ASMT: variants seen among roughly 807,000 people sequenced by gnomAD.
ASMT encodes acetylserotonin O-methyltransferase.
ASMT carries 53 observed loss-of-function variants against 41.3 expected under a neutral mutation model. The ratio of observed to expected loss-of-function variants is 1.28; its 90% confidence interval spans 1.03 to 1.61. The LOEUF is 1.61. Among genes scored for constraint, ASMT ranks in the 40% most tolerant of loss-of-function variants. The pLI, the probability that ASMT is intolerant of heterozygous loss-of-function variation, is 0.00. For synonymous variants in ASMT, 231 were observed against 184.8 expected (o/e 1.25, Z -2.03); for missense variants, 531 against 441.3 (o/e 1.20, Z -1.82).
Position 1,636,434 on chromosome X carries a change from C to T in ASMT, c.788-4C>T, listed in dbSNP as rs1203786215. 3.7e-6 allele frequency: 6 copies of T among 1,613,708 alleles called. No homozygotes were observed. The highest frequency in any genetic ancestry group is 5.1e-6 in the Non-Finnish European group (6 of 1,179,850). ...GACCTCGGTGTGCCTGCCCTGTGTT[C>T]CAGGGGATTTCTTCAAAGACCCTCT... is the stretch of plus-strand genomic sequence containing the variant. On this transcript the variant is annotated splice_region_variant and splice_polypyrimidine_tract_variant and intron_variant, in intron 7 of 8. Coordinates refer to ENST00000381241, the MANE Select transcript of ASMT (RefSeq NM_001171038.2).
At chrX:1,623,534 G>A (rs1868758170) in intron 2 of ASMT, among the ~76,000 whole-genome samples, 1 of 152,164 alleles carries the variant, frequency 6.6e-6, no homozygotes, top group Non-Finnish European at 1.5e-5. Context: ...GGGAGGCAGA[G>A]GTTGCAGTGA....
chrX:1,616,473 G>A (rs1186983114), intron 1 of ASMT, among the ~76,000 whole-genome samples: 1 of 151,522 alleles, frequency 6.6e-6, no homozygotes, highest in East Asian at 1.9e-4. Flanking sequence ...GTTTAACGGA[G>A]ACAGTGTCCC....
chrX:1,629,520 C>T (rs550399683), intron 4 of ASMT, among the ~76,000 whole-genome samples: 5 of 152,262 alleles, frequency 3.3e-5, no homozygotes, highest in South Asian at 2.1e-4. Context: ...GATGGGGGAA[C>T]GTATTATTGA....
At chrX:1,616,708 C>T (rs1934128692) in intron 1 of ASMT, among the ~76,000 whole-genome samples, 1 of 150,972 alleles carries the variant, frequency 6.6e-6, no homozygotes, top group South Asian at 2.1e-4. Flanking sequence ...CCCATTTCTA[C>T]AAATTCTTTT....
intron 1 of ASMT, among the ~76,000 whole-genome samples, chrX:1,618,227 G>T (rs747714609): frequency 6.6e-6 from 1 of 151,798 alleles, no homozygotes; most frequent in Admixed American, 6.6e-5. Context: ...GCAGTGGCAT[G>T]ATCTCAGCTC....
rs370554783 is a variant in ASMT, at chrX:1,636,544, C to T, written c.894C>T (p.Tyr298=). The T allele has an allele frequency of 1.1e-5, 18 of 1,612,600 alleles. No homozygotes were observed. The African/African-American group carries it at 2.0e-4, about 18-fold the overall frequency. ...GKCSHLLERI[Y]HTCKPGGGIL... is the part of the protein sequence containing the mutation. Reference sequence around the variant, plus strand: ...GCTCACACCTGCTGGAGAGGATCTACCACACTTGCAAGCCAGGTAAGTTGT... The same window carrying T: ...GCTCACACCTGCTGGAGAGGATCTATCACACTTGCAAGCCAGGTAAGTTGT... Residue 298 remains tyrosine (Y), a synonymous_variant, in exon 8 of 9, where the codon TAC becomes TAT. Coordinates refer to ENST00000381241, the MANE Select transcript of ASMT (RefSeq NM_001171038.2).
chrX:1,615,436 A>C lies in ASMT; in HGVS notation c.69+168A>C, dbSNP rs1373864918. On this transcript the variant is annotated intron_variant, in intron 1 of 8. Transcript: ENST00000381241. ...TGTAGCCTCAGGAGTTCCTGAGGAC[A>C]TGTGCCCAGGGTGGTCTGGGGACAG... is the stretch of plus-strand genomic sequence containing the variant. 1.2e-4 allele frequency: 27 copies of C among 218,466 alleles called. No homozygotes were observed. In the Admixed American group the frequency reaches 1.6e-3, roughly 13 times the overall value. The allele number at this position is 218,466 out of a possible 1,614,324, so 13.5% of individuals were successfully genotyped here.
intron 3 of ASMT, among the ~76,000 whole-genome samples, chrX:1,625,882 G>T (rs1344180357): frequency 6.6e-6 from 1 of 150,506 alleles, no homozygotes; most frequent in Non-Finnish European, 1.5e-5. Context: ...GTGAACCCGG[G>T]AGGCGGAGGT....
intron 7 of ASMT, among the ~76,000 whole-genome samples, chrX:1,635,010 T>G (rs1409287878): frequency 7.8e-6 from 1 of 127,930 alleles, no homozygotes; most frequent in African/African-American, 3.1e-5. Context: ...AGTCTCGCTC[T>G]GTCACCCAGG....
chrX:1,636,722 C>A (rs1367949935), intron 8 of ASMT, 162 bp downstream of exon 8: 5 of 514,534 alleles, frequency 9.7e-6, no homozygotes, highest in Non-Finnish European at 1.3e-5. Flanking sequence ...AAATAGGGTC[C>A]TAATTTCTAT....
At chrX:1,630,419 C>T (rs1448812453) in intron 5 of ASMT, among the ~76,000 whole-genome samples, 2 of 151,412 alleles carry the variant, frequency 1.3e-5, no homozygotes, top group African/African-American at 4.9e-5. Context: ...GATTCTCCTG[C>T]CCCAGCCTCC....
intron 8 of ASMT, among the ~76,000 whole-genome samples, chrX:1,641,398 C>A (rs867940217): frequency 7.1e-6 from 1 of 141,742 alleles, no homozygotes; most frequent in Admixed American, 7.6e-5. Context: ...GTGAGGTCCA[C>A]CTATCCTGAT....
chrX:1,622,729 TG>T (rs778342767), intron 1 of ASMT, among the ~76,000 whole-genome samples: 1,658 of 150,986 alleles, frequency 0.011, 24 homozygotes, highest in African/African-American at 0.039. Flanking sequence ...CTGGCCAACA[TG>T]GTGAAACCCC....
At chrX:1,616,759 A>G (rs1934133224) in intron 1 of ASMT, among the ~76,000 whole-genome samples, 2 of 149,624 alleles carry the variant, frequency 1.3e-5, no homozygotes, top group African/African-American at 4.8e-5. Flanking sequence ...CCCAGGCTGG[A>G]GTGCAATGGC....
intron 3 of ASMT, among the ~76,000 whole-genome samples, chrX:1,627,342 C>G (rs1934588421): frequency 6.9e-6 from 1 of 145,370 alleles, no homozygotes; most frequent in African/African-American, 2.6e-5. Context: ...TAAAATAAGG[C>G]CAGGTGTGGT....
intron 1 of ASMT, among the ~76,000 whole-genome samples, chrX:1,618,699 A>T (rs1330016458): frequency 6.6e-6 from 1 of 152,192 alleles, no homozygotes; most frequent in Non-Finnish European, 1.5e-5. Context: ...AGCCTCCCAA[A>T]GTGCTAGGAT....
chrX:1,628,660 C>G (rs1934649942), intron 4 of ASMT, among the ~76,000 whole-genome samples: 1 of 150,276 alleles, frequency 6.7e-6, no homozygotes, highest in South Asian at 2.1e-4. Flanking sequence ...ATCCTCCTCT[C>G]TTTCTCTCCT....
At chrX:1,635,264 G>A (rs1343895333) in intron 7 of ASMT, among the ~76,000 whole-genome samples, 4 of 151,444 alleles carry the variant, frequency 2.6e-5, no homozygotes, top group East Asian at 1.9e-4. Flanking sequence ...GATTACAGGC[G>A]TGAGCCACCG....
At chrX:1,641,618 A>C (rs1437370641) in intron 8 of ASMT, among the ~76,000 whole-genome samples, 1 of 148,622 alleles carries the variant, frequency 6.7e-6, no homozygotes, top group Non-Finnish European at 1.5e-5. Context: ...TGTGATGGGG[A>C]CAGTGTCCCA....
Sources: gnomAD v4.1 joint callset for allele counts (sites outside exome capture counted in the v4.1 genomes callset) on GRCh38, gnomAD v4.1.1 for gene constraint, MANE v1.5 for transcripts, NCBI Gene and HGNC (gene_info 2026-07-23, HGNC 2026-07-21) for gene names.